MAN1A1: variants seen among roughly 807,000 people sequenced by gnomAD.
The protein encoded by MAN1A1 is mannosyl-oligosaccharide 1,2-alpha-mannosidase IA.
A neutral mutation model predicts 70.8 loss-of-function variants in MAN1A1; 29 were observed. The observed-to-expected ratio is 0.41, with a 90% confidence interval of 0.31 to 0.56. MAN1A1 has a LOEUF of 0.56. MAN1A1 is among the 20% of genes least tolerant of loss of function. The probability of loss-of-function intolerance (pLI) is 0.29; values close to 1 mark genes in which losing one functional copy is unlikely to be tolerated. For missense variants in MAN1A1, 747 were observed against 841.3 expected (o/e 0.89, Z 1.39); for synonymous variants, 349 against 330.1 (o/e 1.06, Z -0.62).
chr6:119,240,814 G>T (rs1413040965), intron 6 of MAN1A1, among the ~76,000 whole-genome samples: 1 of 152,176 alleles, frequency 6.6e-6, no homozygotes, highest in Non-Finnish European at 1.5e-5. Context: ...ATAAATAAAT[G>T]TCCTTAGTTT....
intron 6 of MAN1A1, among the ~76,000 whole-genome samples, chr6:119,247,140 C>T: frequency 6.6e-6 from 1 of 152,104 alleles, no homozygotes; most frequent in East Asian, 1.9e-4. Context: ...AATATTTGGA[C>T]AGAATGTCAC....
intron 6 of MAN1A1, among the ~76,000 whole-genome samples, chr6:119,221,214 TAATAA>T (rs1464615117): frequency 2.6e-5 from 4 of 152,154 alleles, no homozygotes; most frequent in African/African-American, 9.6e-5. Flanking sequence ...TTTTATTAGA[TAATAA>T]AATGTTTCAA....
intron 2 of MAN1A1, among the ~76,000 whole-genome samples, chr6:119,308,139 T>C (rs1772582546): frequency 6.6e-6 from 1 of 152,184 alleles, no homozygotes; most frequent in African/African-American, 2.4e-5. Flanking sequence ...TTACCATTGT[T>C]AGGGAGATGA....
intron 4 of MAN1A1, among the ~76,000 whole-genome samples, chr6:119,296,837 T>TA (rs1318660538): frequency 6.6e-6 from 1 of 152,206 alleles, no homozygotes; most frequent in African/African-American, 2.4e-5. Flanking sequence ...TGTTGCTAGT[T>TA]AGTGTCCACA....
intron 6 of MAN1A1, among the ~76,000 whole-genome samples, chr6:119,221,366 A>T (rs1238934637): frequency 2.6e-5 from 4 of 152,070 alleles, no homozygotes; most frequent in Non-Finnish European, 5.9e-5. Flanking sequence ...ATTTTTGCAT[A>T]TACTGACAAA....
chr6:119,206,668 T>C (rs964856091), intron 6 of MAN1A1, among the ~76,000 whole-genome samples: 4 of 152,198 alleles, frequency 2.6e-5, no homozygotes, highest in African/African-American at 9.7e-5. Flanking sequence ...TTTCCAATCA[T>C]CCAAATAGGA....
intron 5 of MAN1A1, among the ~76,000 whole-genome samples, chr6:119,256,053 T>C (rs1775449188): frequency 6.6e-6 from 1 of 152,192 alleles, no homozygotes; most frequent in Admixed American, 6.5e-5. Flanking sequence ...TCCTGAAATA[T>C]TAAAGCACAG....
At chr6:119,318,638 GA>G (rs925840154) in intron 2 of MAN1A1, among the ~76,000 whole-genome samples, 9 of 151,906 alleles carry the variant, frequency 5.9e-5, no homozygotes, top group African/African-American at 2.2e-4. Context: ...TTCTTTTTTT[GA>G]AAACCTTGCA....
At chr6:119,263,795 C>CA (rs1185907135) in intron 5 of MAN1A1, among the ~76,000 whole-genome samples, 4 of 152,124 alleles carry the variant, frequency 2.6e-5, no homozygotes, top group Non-Finnish European at 2.9e-5. Flanking sequence ...TTGTGTCATA[C>CA]ATTCTTCAGG....
chr6:119,256,126 C>T (rs1775451337), intron 5 of MAN1A1, among the ~76,000 whole-genome samples: 1 of 152,036 alleles, frequency 6.6e-6, no homozygotes, highest in Non-Finnish European at 1.5e-5. Flanking sequence ...TGCCAATAAC[C>T]ATCAATTATA....
At chr6:119,232,687 G>A (rs1200213018) in intron 6 of MAN1A1, among the ~76,000 whole-genome samples, 3 of 105,484 alleles carry the variant, frequency 2.8e-5, no homozygotes, top group African/African-American at 2.9e-5. Flanking sequence ...ATATGTGTGT[G>A]TGTGTGTGTG....
At chr6:119,306,786 C>T (rs1772537013) in intron 3 of MAN1A1, 110 bp downstream of exon 3, 2 of 752,872 alleles carry the variant, frequency 2.7e-6, no homozygotes, top group Non-Finnish European at 4.6e-6. Flanking sequence ...TGCAAGTTTC[C>T]TAACCAAATG....
intron 5 of MAN1A1, among the ~76,000 whole-genome samples, chr6:119,257,458 AT>A (rs1268166490): frequency 1.1e-4 from 16 of 152,250 alleles, no homozygotes; most frequent in African/African-American, 3.6e-4. Context: ...AGTAGCTCTC[AT>A]TGGTTATGGG....
intron 2 of MAN1A1, among the ~76,000 whole-genome samples, chr6:119,331,582 T>TATATATATATAC (rs1289817776): frequency 0.014 from 2,007 of 144,720 alleles, 60 homozygotes; most frequent in African/African-American, 0.048. Context: ...TATATATATA[T>TATATATATATAC]ATATATATAT....
intron 10 of MAN1A1, 36 bp from the exon 11 acceptor site, chr6:119,188,613 T>A (rs1246458210): frequency 6.3e-7 from 1 of 1,575,854 alleles, no homozygotes; most frequent in Non-Finnish European, 8.7e-7. Flanking sequence ...AGGGTTATTT[T>A]CCTGGACAGT....
At chr6:119,206,540 A>C (rs1773865566) in intron 6 of MAN1A1, among the ~76,000 whole-genome samples, 1 of 152,218 alleles carries the variant, frequency 6.6e-6, no homozygotes, top group Non-Finnish European at 1.5e-5. Flanking sequence ...AGTAAAGAGA[A>C]ATAAGACACA....
intron 6 of MAN1A1, among the ~76,000 whole-genome samples, chr6:119,220,171 C>T (rs1052645261): frequency 6.6e-5 from 10 of 152,026 alleles, no homozygotes; most frequent in African/African-American, 1.2e-4. Context: ...TTGTTCATTA[C>T]GACAACTACT....
At chr6:119,296,558 G>C (rs1393614416) in intron 4 of MAN1A1, among the ~76,000 whole-genome samples, 1 of 152,104 alleles carries the variant, frequency 6.6e-6, no homozygotes, top group African/African-American at 2.4e-5. Flanking sequence ...TGGAACTCTG[G>C]ACCTAAGCCA....
chr6:119,341,187 T>G (rs1195039676), intron 2 of MAN1A1, among the ~76,000 whole-genome samples: 2 of 152,148 alleles, frequency 1.3e-5, no homozygotes, highest in African/African-American at 4.8e-5. Flanking sequence ...ACAGAAGTCT[T>G]TATCAAAACT....
Sources: allele counts gnomAD v4.1 joint callset (sites outside exome capture counted in the v4.1 genomes callset), GRCh38; gene constraint gnomAD v4.1.1; transcripts MANE v1.5; gene names NCBI Gene and HGNC (gene_info 2026-07-23, HGNC 2026-07-21).